Variants in NEGR1 observed in about 807,000 individuals in gnomAD.
NEGR1 encodes the protein neuronal growth regulator 1.
A neutral mutation model predicts 40.9 loss-of-function variants in NEGR1; 10 were observed. That is an observed-to-expected ratio of 0.24 (90% CI 0.15 to 0.42). The LOEUF (loss-of-function observed/expected upper bound fraction) is 0.42, where lower values mean the gene tolerates loss of function less well. Ranked by LOEUF, NEGR1 falls within the 10% of genes least tolerant of loss-of-function variation. The pLI is 1.00. For synonymous variants in NEGR1, 185 were observed against 166.8 expected, an observed-to-expected ratio of 1.11 and a Z score of -0.84; for missense variants, 352 against 438.9, an observed-to-expected ratio of 0.80 and a Z score of 1.77.
chr1:72,211,319 G>A (rs1041550043), intron 1 of NEGR1, among the ~76,000 whole-genome samples: 3 of 151,518 alleles, frequency 2.0e-5, no homozygotes, highest in Non-Finnish European at 3.0e-5. Flanking sequence ...CTTTAAAAAG[G>A]AGCCTTTATA....
intron 6 of NEGR1, among the ~76,000 whole-genome samples, chr1:71,473,896 GA>G (rs1022780252): frequency 7.3e-5 from 11 of 151,718 alleles, no homozygotes; most frequent in Non-Finnish European, 1.6e-4. Flanking sequence ...CCGAAAGTAA[GA>G]AAAAAAAATT....
chr1:72,113,481 T>C (rs1046093912), intron 1 of NEGR1, among the ~76,000 whole-genome samples: 2 of 151,200 alleles, frequency 1.3e-5, no homozygotes, highest in Non-Finnish European at 3.0e-5. Flanking sequence ...TATTTAGAAA[T>C]ATAAATACAC....
chr1:72,149,929 A>G (rs1412560625), intron 1 of NEGR1, among the ~76,000 whole-genome samples: 2 of 151,544 alleles, frequency 1.3e-5, no homozygotes, highest in African/African-American at 4.8e-5. Flanking sequence ...AAGAAAGAAA[A>G]AAAAACACCA....
intron 2 of NEGR1, among the ~76,000 whole-genome samples, chr1:71,921,643 A>G (rs1274473112): frequency 6.7e-6 from 1 of 148,162 alleles, no homozygotes; most frequent in Non-Finnish European, 1.5e-5. Flanking sequence ...ATATATTCTT[A>G]TAGATACAGT....
intron 2 of NEGR1, among the ~76,000 whole-genome samples, chr1:71,794,704 C>T (rs890960849): frequency 2.6e-5 from 4 of 151,848 alleles, no homozygotes; most frequent in Non-Finnish European, 5.9e-5. Flanking sequence ...AGATGTAAAA[C>T]ACAAGCCAGA....
At chr1:71,984,686 A>G (rs990855966) in intron 1 of NEGR1, among the ~76,000 whole-genome samples, 2 of 152,144 alleles carry the variant, frequency 1.3e-5, no homozygotes, top group Non-Finnish European at 2.9e-5. Flanking sequence ...AAATTTGTGT[A>G]AAATGAATAT....
chr1:71,522,247 T>C (rs917844247), intron 6 of NEGR1, among the ~76,000 whole-genome samples: 5 of 152,016 alleles, frequency 3.3e-5, no homozygotes, highest in Non-Finnish European at 5.9e-5. Flanking sequence ...ATGTAGCACA[T>C]AATATATACT....
At chr1:71,453,654 T>A (rs1199784847) in intron 6 of NEGR1, among the ~76,000 whole-genome samples, 1 of 152,196 alleles carries the variant, frequency 6.6e-6, no homozygotes. Context: ...CCAGCAGCTT[T>A]TTCAATAAGA....
At chr1:72,127,072 A>G (rs2100303314) in intron 1 of NEGR1, among the ~76,000 whole-genome samples, 1 of 152,330 alleles carries the variant, frequency 6.6e-6, no homozygotes, top group East Asian at 1.9e-4. Context: ...ATATGTAGAA[A>G]TGACAAGGAA....
intron 2 of NEGR1, among the ~76,000 whole-genome samples, chr1:71,878,029 G>T (rs958653366): frequency 2.0e-5 from 3 of 152,084 alleles, no homozygotes; most frequent in Non-Finnish European, 4.4e-5. Flanking sequence ...AGTTAGAAAT[G>T]ACTTCAAAAT....
intron 3 of NEGR1, among the ~76,000 whole-genome samples, chr1:71,774,327 C>T (rs1345358123): frequency 1.3e-5 from 2 of 152,134 alleles, no homozygotes; most frequent in African/African-American, 4.8e-5. Flanking sequence ...AATTTAAGTG[C>T]TCACATATCA....
chr1:71,899,329 G>A (rs575644886), intron 2 of NEGR1, among the ~76,000 whole-genome samples: 2 of 152,026 alleles, frequency 1.3e-5, no homozygotes, highest in African/African-American at 4.8e-5. Context: ...ATGGAGGAAG[G>A]GTATGGAGGA....
chr1:71,914,452 C>T (rs1464326041), intron 2 of NEGR1, among the ~76,000 whole-genome samples: 1 of 152,162 alleles, frequency 6.6e-6, no homozygotes, highest in Non-Finnish European at 1.5e-5. Flanking sequence ...AGTCTAAGCC[C>T]AGGTAATGAA....
chr1:71,578,925 G>A (rs919555664), intron 6 of NEGR1, among the ~76,000 whole-genome samples: 2 of 152,022 alleles, frequency 1.3e-5, no homozygotes, highest in African/African-American at 4.8e-5. Context: ...AGTACATTGA[G>A]GAATATCAAA....
At chr1:71,974,360 C>T (rs1646284167) in intron 1 of NEGR1, among the ~76,000 whole-genome samples, 1 of 152,038 alleles carries the variant, frequency 6.6e-6, no homozygotes, top group South Asian at 2.1e-4. Context: ...AAATAGTAAA[C>T]ATGCTTTTAC....
At chr1:72,037,509 C>T (rs531367835) in intron 1 of NEGR1, among the ~76,000 whole-genome samples, 32 of 152,154 alleles carry the variant, frequency 2.1e-4, no homozygotes, top group Non-Finnish European at 4.0e-4. Context: ...TTTTATCCAT[C>T]ATTAACCAAT....
intron 2 of NEGR1, among the ~76,000 whole-genome samples, chr1:71,803,730 A>G (rs866061440): frequency 5.9e-5 from 9 of 152,176 alleles, no homozygotes; most frequent in African/African-American, 1.9e-4. Context: ...TCCTTGATAA[A>G]AAAAAGTCTT....
At chr1:71,643,226 G>A (rs1476402566) in intron 4 of NEGR1, among the ~76,000 whole-genome samples, 1 of 151,912 alleles carries the variant, frequency 6.6e-6, no homozygotes, top group Non-Finnish European at 1.5e-5. Flanking sequence ...TTGCCATGAT[G>A]TTAGGCTTGT....
intron 1 of NEGR1, among the ~76,000 whole-genome samples, chr1:72,147,984 G>A (rs1344038173): frequency 6.6e-6 from 1 of 152,096 alleles, no homozygotes; most frequent in Non-Finnish European, 1.5e-5. Context: ...TCATGGGCTG[G>A]CATTGAGTGT....
Sources: gnomAD v4.1 joint callset for allele counts (sites outside exome capture counted in the v4.1 genomes callset) on GRCh38, gnomAD v4.1.1 for gene constraint, MANE v1.5 for transcripts, NCBI Gene and HGNC (gene_info 2026-07-23, HGNC 2026-07-21) for gene names.